SPIRE1: variants seen among roughly 807,000 people sequenced by gnomAD.
SPIRE1 encodes spire type actin nucleation factor 1, also known as protein spire homolog 1.
In SPIRE1, 40 loss-of-function variants were observed where a neutral mutation model predicts 94.1. The ratio of observed to expected loss-of-function variants is 0.43; its 90% CI spans 0.33 to 0.55. The LOEUF (loss-of-function observed/expected upper bound fraction) is 0.55. SPIRE1 is among the 20% of genes least tolerant of loss of function. The pLI is 0.06. For missense variants in SPIRE1, 838 were observed against 975.2 expected (o/e 0.86, Z 1.87); for synonymous variants, 376 against 371.7 (o/e 1.01, Z -0.13).
At chr18:12,657,183 C>T (rs1414562888) in intron 1 of SPIRE1, among the ~76,000 whole-genome samples, 1 of 151,138 alleles carries the variant, frequency 6.6e-6, no homozygotes, top group African/African-American at 2.4e-5. Context: ...GGCCGCTGGC[C>T]CGGAGCAGGG....
intron 3 of SPIRE1, among the ~76,000 whole-genome samples, chr18:12,537,235 T>C (rs2034868397): frequency 6.6e-6 from 1 of 152,234 alleles, no homozygotes; most frequent in Non-Finnish European, 1.5e-5. Context: ...TGCTCAATTA[T>C]TTTTATATTT....
chr18:12,475,782 G>C (rs2032545337), intron 10 of SPIRE1, among the ~76,000 whole-genome samples: 1 of 152,170 alleles, frequency 6.6e-6, no homozygotes, highest in Non-Finnish European at 1.5e-5. Flanking sequence ...TTTGGAACTG[G>C]AAGAGACCTA....
In SPIRE1 at chr18:12,642,159, G is replaced by T. The variant is rs190758805; in HGVS notation, c.338-7063C>A. 3.3e-5 allele frequency among the ~76,000 whole-genome samples: 5 copies of T among 152,084 alleles called. No individual in the cohort carries two copies. The East Asian group carries it at 7.7e-4, about 23-fold the overall frequency. On this transcript the variant is annotated intron_variant, in intron 1 of 16. Transcript: ENST00000409402. Reference sequence around the variant, plus strand: ...ATTTTAAATATCTCTCATGGAAAAAGCATTCATCTGTTCATTCACCAACAA... The same window carrying T: ...ATTTTAAATATCTCTCATGGAAAAATCATTCATCTGTTCATTCACCAACAA...
intron 2 of SPIRE1, among the ~76,000 whole-genome samples, chr18:12,576,968 G>A (rs937442950): frequency 2.6e-5 from 4 of 151,370 alleles, no homozygotes; most frequent in Non-Finnish European, 4.4e-5. Context: ...GGGTCAACAG[G>A]TAAACTGGGA....
chr18:12,524,789 C>G (rs1317977830), intron 4 of SPIRE1, among the ~76,000 whole-genome samples: 1 of 151,946 alleles, frequency 6.6e-6, no homozygotes, highest in African/African-American at 2.4e-5. Flanking sequence ...ACCTGGGCAG[C>G]ATAGCAAGAC....
chr18:12,573,265 T>G (rs185207581), intron 2 of SPIRE1, among the ~76,000 whole-genome samples: 1 of 152,056 alleles, frequency 6.6e-6, no homozygotes, highest in East Asian at 1.9e-4. Flanking sequence ...ATTAAGGAAC[T>G]GCAAATTACA....
intron 4 of SPIRE1, 41 bp from the exon 5 acceptor site, chr18:12,512,572 T>TAAC (rs1280061218): frequency 7.8e-7 from 1 of 1,280,630 alleles, no homozygotes; most frequent in Non-Finnish European, 1.1e-6. Flanking sequence ...TTTCATTAAG[T>TAAC]TATCTTCTCA....
At chr18:12,576,933 A>G (rs2036119334) in intron 2 of SPIRE1, among the ~76,000 whole-genome samples, 1 of 151,350 alleles carries the variant, frequency 6.6e-6, no homozygotes, top group African/African-American at 2.4e-5. Flanking sequence ...AGTCATCAAC[A>G]CTGTTTAATA....
At chr18:12,453,822 G>T (rs1463983978) in intron 13 of SPIRE1, among the ~76,000 whole-genome samples, 1 of 151,228 alleles carries the variant, frequency 6.6e-6, no homozygotes, top group African/African-American at 2.4e-5. Context: ...GTCTCACTAT[G>T]TCACCAGGCT....
chr18:12,521,109 A>G (rs1332162105), intron 4 of SPIRE1, among the ~76,000 whole-genome samples: 1 of 152,224 alleles, frequency 6.6e-6, no homozygotes, highest in Non-Finnish European at 1.5e-5. Flanking sequence ...ATTTCATAAC[A>G]GCCTAGTCAT....
chr18:12,539,193 TC>T (rs2034932271), intron 3 of SPIRE1, among the ~76,000 whole-genome samples: 1 of 152,164 alleles, frequency 6.6e-6, no homozygotes. Context: ...CCAAATCTCA[TC>T]TTGAATTCCC....
At chr18:12,594,523 T>A (rs1312102133) in intron 2 of SPIRE1, among the ~76,000 whole-genome samples, 6 of 152,214 alleles carry the variant, frequency 3.9e-5, no homozygotes, top group Non-Finnish European at 1.5e-5. Flanking sequence ...TGTCCACATG[T>A]GATATAATTC....
At chr18:12,506,686 A>C (rs749277306) in intron 5 of SPIRE1, 45 bp from the exon 6 acceptor site, 3 of 1,566,520 alleles carry the variant, frequency 1.9e-6, no homozygotes, top group Admixed American at 1.7e-5. Flanking sequence ...TAAATGTACT[A>C]GTTTCTTCTA....
At chr18:12,599,124 A>G (rs1278643943) in intron 2 of SPIRE1, among the ~76,000 whole-genome samples, 2 of 152,202 alleles carry the variant, frequency 1.3e-5, no homozygotes, top group African/African-American at 2.4e-5. Context: ...TGACCACAAT[A>G]TAATTATAAA....
intron 1 of SPIRE1, among the ~76,000 whole-genome samples, chr18:12,647,823 C>A (rs2038264592): frequency 6.6e-6 from 1 of 152,120 alleles, no homozygotes; most frequent in Non-Finnish European, 1.5e-5. Flanking sequence ...TTTCTAAACA[C>A]CATTCTCCAA....
At chr18:12,455,698 C>A (rs1376723707) in intron 12 of SPIRE1, among the ~76,000 whole-genome samples, 2 of 152,156 alleles carry the variant, frequency 1.3e-5, no homozygotes, top group Admixed American at 6.5e-5. Flanking sequence ...TCGGACCCTG[C>A]CAGGCTGCAA....
chr18:12,509,905 T>C (rs980504547), intron 5 of SPIRE1, among the ~76,000 whole-genome samples: 7 of 151,850 alleles, frequency 4.6e-5, no homozygotes. Context: ...ACCAACATGG[T>C]GAAACCCTGT....
intron 4 of SPIRE1, among the ~76,000 whole-genome samples, chr18:12,518,651 A>G (rs1385874122): frequency 6.6e-6 from 1 of 152,072 alleles, no homozygotes; most frequent in Non-Finnish European, 1.5e-5. Context: ...TCACTGCATG[A>G]GATTACCCCA....
intron 2 of SPIRE1, among the ~76,000 whole-genome samples, chr18:12,620,583 G>A (rs2037438537): frequency 6.6e-6 from 1 of 152,184 alleles, no homozygotes; most frequent in Non-Finnish European, 1.5e-5. Flanking sequence ...AAATGGTGAT[G>A]TGTCTATTAG....
Sources: gnomAD v4.1 joint callset for allele counts (sites outside exome capture counted in the v4.1 genomes callset) on GRCh38, gnomAD v4.1.1 for gene constraint, MANE v1.5 for transcripts, NCBI Gene and HGNC (gene_info 2026-07-23, HGNC 2026-07-21) for gene names.